The following SGK3 variants were observed in gnomAD, a reference collection of about 807,000 sequenced individuals.
The protein encoded by SGK3 is serum/glucocorticoid regulated kinase family member 3, also known as serine/threonine-protein kinase Sgk3.
SGK3 carries 47 observed loss-of-function variants against 68.5 expected under a neutral mutation model. The observed-to-expected ratio is 0.69, with a 90% confidence interval of 0.54 to 0.87. The LOEUF (loss-of-function observed/expected upper bound fraction) is 0.87. Among genes scored for constraint, SGK3 ranks in the 40% least tolerant of loss-of-function variants. The pLI, the probability that SGK3 is intolerant of heterozygous loss-of-function variation, is 0.00. For synonymous variants in SGK3, 181 were observed against 189.1 expected (o/e 0.96, Z 0.35); for missense variants, 479 against 575.5 (o/e 0.83, Z 1.72).
chr8:66,779,698 C>T (rs1390637175), intron 1 of SGK3, among the ~76,000 whole-genome samples: 1 of 145,532 alleles, frequency 6.9e-6, no homozygotes, highest in East Asian at 2.0e-4. Context: ...TATATATACC[C>T]TAATTTTTGA....
At chr8:66,752,625 A>G (rs1805852265) in intron 1 of SGK3, among the ~76,000 whole-genome samples, 2 of 152,076 alleles carry the variant, frequency 1.3e-5, no homozygotes, top group African/African-American at 4.8e-5. Context: ...CATTTCAGGC[A>G]GAAAAGTGTG....
At chr8:66,802,440 G>A (rs1483818060) in intron 3 of SGK3, among the ~76,000 whole-genome samples, 1 of 152,066 alleles carries the variant, frequency 6.6e-6, no homozygotes, top group Non-Finnish European at 1.5e-5. Context: ...TAGTATCCCA[G>A]CACTTTGCAA....
chr8:66,850,729 A>G, intron 15 of SGK3, 102 bp from the exon 16 acceptor site: 2 of 1,099,722 alleles, frequency 1.8e-6, no homozygotes, highest in South Asian at 1.6e-5. Flanking sequence ...AAAAAGAGTT[A>G]TTGAGGGGCA....
intron 2 of SGK3, 104 bp downstream of exon 2, chr8:66,793,936 C>A: frequency 8.5e-7 from 1 of 1,175,738 alleles, no homozygotes; most frequent in Non-Finnish European, 1.2e-6. Flanking sequence ...CCCATCTCCA[C>A]ATACCTAGAT....
At chr8:66,762,210 C>G (rs1806192474) in intron 1 of SGK3, among the ~76,000 whole-genome samples, 1 of 152,158 alleles carries the variant, frequency 6.6e-6, no homozygotes, top group Non-Finnish European at 1.5e-5. Flanking sequence ...CTCACGTGAT[C>G]CACCCACCTT....
intron 1 of SGK3, among the ~76,000 whole-genome samples, chr8:66,728,944 C>G (rs959799618): frequency 6.6e-6 from 1 of 151,632 alleles, no homozygotes; most frequent in Admixed American, 6.6e-5. Flanking sequence ...CTGGACTGGG[C>G]ACGGGTGGCT....
chr8:66,851,379 G>T (rs1408707617), intron 16 of SGK3, among the ~76,000 whole-genome samples: 4 of 152,044 alleles, frequency 2.6e-5, no homozygotes, highest in Admixed American at 6.6e-5. Flanking sequence ...TTATCCGGGT[G>T]TGGTGATGCA....
intron 14 of SGK3, among the ~76,000 whole-genome samples, chr8:66,843,857 T>C (rs547429149): frequency 6.6e-6 from 1 of 151,962 alleles, no homozygotes; most frequent in Non-Finnish European, 1.5e-5. Flanking sequence ...TATCTGGGTG[T>C]GGTAGTGCAT....
At position 66,798,640 on chromosome 8, in the gene SGK3, A is replaced by G. The variant is rs771303664; in HGVS notation, c.180+15A>G. 5 of 1,573,740 alleles carry G rather than the reference A, an allele frequency of 3.2e-6. No individual in the cohort carries two copies. Among genetic ancestry groups the G allele is most frequent in the South Asian group, 1.2e-5 (1 of 83,698 alleles). On this transcript the variant is annotated intron_variant, in intron 3 of 16. Transcript: ENST00000521198. Reference sequence around the variant, plus strand: ...TTTATAACACTGTAAGTAATCGTCTACAAGATTTCTAATTAAAAGAAAGCA... The same window carrying G: ...TTTATAACACTGTAAGTAATCGTCTGCAAGATTTCTAATTAAAAGAAAGCA...
Position 66,835,756 on chromosome 8 carries a change from A to G in SGK3, c.526-7A>G, listed in dbSNP as rs769703308. ...TAATAGTATACACTAATGTTTAACT[A>G]TAACAGGTTCTTCTTGCAAAACGGA... On this transcript the variant is annotated splice_polypyrimidine_tract_variant and splice_region_variant and intron_variant, in intron 8 of 16. Coordinates refer to ENST00000521198, the MANE Select transcript of SGK3 (RefSeq NM_001033578.3). The G allele has an allele frequency of 1.8e-5, 29 of 1,609,922 alleles. No individual in the cohort carries two copies. The highest frequency in any genetic ancestry group is 1.2e-4 in the Admixed American group (7 of 59,096).
intron 1 of SGK3, among the ~76,000 whole-genome samples, chr8:66,752,975 C>T (rs1805867981): frequency 6.6e-6 from 1 of 152,080 alleles, no homozygotes; most frequent in African/African-American, 2.4e-5. Flanking sequence ...TTCAGCCTCC[C>T]AGAGTGTTGG....
chr8:66,838,312 C>T (rs537347537), intron 10 of SGK3, among the ~76,000 whole-genome samples: 2 of 152,182 alleles, frequency 1.3e-5, no homozygotes, highest in Non-Finnish European at 2.9e-5. Context: ...GATCCACCCG[C>T]CTCAGCCTCC....
Position 66,776,202 on chromosome 8 carries a change from G to A in SGK3, c.-121-17414G>A, listed in dbSNP as rs547173078. Among the ~76,000 whole-genome samples, 6 of 152,242 alleles carry A rather than the reference G, an allele frequency of 3.9e-5. No individual in the cohort carries two copies. The East Asian group carries it at 1.2e-3, about 29-fold the overall frequency. ...GTCTCTTACTTTTCTTTCACTAGGG[G>A]TGTTACCTGATGTGATCATCCACCT... On this transcript the variant is annotated intron_variant, in intron 1 of 16. Transcript: ENST00000521198.
At chr8:66,823,458 C>T (rs1293960989) in intron 6 of SGK3, among the ~76,000 whole-genome samples, 1 of 148,796 alleles carries the variant, frequency 6.7e-6, no homozygotes, top group Non-Finnish European at 1.5e-5. Flanking sequence ...GAGTCAGTGG[C>T]GTGATCTTGG....
intron 1 of SGK3, among the ~76,000 whole-genome samples, chr8:66,789,885 C>T (rs1371325877): frequency 6.6e-6 from 1 of 152,074 alleles, no homozygotes; most frequent in African/African-American, 2.4e-5. Context: ...CGAGACCAGC[C>T]TGGTCATCAT....
intron 1 of SGK3, among the ~76,000 whole-genome samples, chr8:66,792,484 C>A (rs538265611): frequency 7.9e-5 from 12 of 152,180 alleles, no homozygotes; most frequent in African/African-American, 2.4e-4. Context: ...TATTTTAAAT[C>A]ATTACCTGAA....
chr8:66,859,423 G>A lies in SGK3; in HGVS notation c.1333G>A (p.Asp445Asn), dbSNP rs780516978. Residue 445 changes from aspartate (D) to asparagine (N), a missense_variant, in exon 17 of 17, where the codon GAT (aspartate) becomes AAT (asparagine). By Grantham distance (23) the Asp-to-Asn change is conservative. Transcript: ENST00000521198. ...TTTGATGTTTTAGGCTGGACCAGAT[G>A]ATATCAGAAACTTTGACACAGCATT... ...PFNPNVAGPD[D>N]IRNFDTAFTE... The A allele has an allele frequency of 6.2e-7, 1 of 1,608,122 alleles. No individual in the cohort carries two copies.
At chr8:66,850,690 T>C in intron 15 of SGK3, 141 bp from the exon 16 acceptor site, 1 of 743,546 alleles carries the variant, frequency 1.3e-6, no homozygotes, top group South Asian at 2.0e-5. Flanking sequence ...AACATCATTT[T>C]GCCACACAAA....
chr8:66,858,146 G>A (rs1178196931), intron 16 of SGK3, among the ~76,000 whole-genome samples: 1 of 152,056 alleles, frequency 6.6e-6, no homozygotes, highest in African/African-American at 2.4e-5. Flanking sequence ...GAAACCAGAT[G>A]GACAGGCGTT....
Sources: allele counts gnomAD v4.1 joint callset (sites outside exome capture counted in the v4.1 genomes callset), GRCh38; gene constraint gnomAD v4.1.1; transcripts MANE v1.5; gene names NCBI Gene and HGNC (gene_info 2026-07-23, HGNC 2026-07-21).